Variants in TENM3 observed in about 807,000 individuals in gnomAD.
TENM3 encodes teneurin transmembrane protein 3.
Under a neutral mutation model 255.1 loss-of-function variants are expected in TENM3, and 63 were observed. The observed-to-expected ratio is 0.25, with a 90% confidence interval of 0.20 to 0.30. The LOEUF (loss-of-function observed/expected upper bound fraction) is 0.30. TENM3 is among the 10% of genes least tolerant of loss of function. TENM3 has a pLI of 1.00. For missense variants in TENM3, 2,929 were observed against 3,461.1 expected (o/e 0.85, Z 3.86); for synonymous variants, 1,306 against 1,322.3 (o/e 0.99, Z 0.27).
At chr4:181,651,120 C>G in the TENM3 span, among the ~76,000 whole-genome samples, 1 of 152,128 alleles carries the variant, frequency 6.6e-6, no homozygotes, top group African/African-American at 2.4e-5. Context: ...AAAATTTAAC[C>G]TATGGTTGAT....
At chr4:181,485,891 G>C in the TENM3 span, among the ~76,000 whole-genome samples, 2 of 151,954 alleles carry the variant, frequency 1.3e-5, no homozygotes, top group Non-Finnish European at 1.5e-5. Flanking sequence ...AAACAAAAAT[G>C]TTAAATGCAA....
the TENM3 span, among the ~76,000 whole-genome samples, chr4:181,953,276 C>CCATCAT: frequency 2.1e-3 from 295 of 141,572 alleles, 2 homozygotes; most frequent in Admixed American, 3.8e-3. Context: ...ACCACCACCA[C>CCATCAT]CATCATCATC....
chr4:182,186,938 C>T (rs1753202895), intron 1 of TENM3, among the ~76,000 whole-genome samples: 1 of 150,078 alleles, frequency 6.7e-6, no homozygotes, highest in Non-Finnish European at 1.5e-5. Context: ...TTCTTCAGAT[C>T]TCTAATAAAT....
chr4:182,606,236 G>A (rs2152422327), intron 4 of TENM3, among the ~76,000 whole-genome samples: 1 of 152,186 alleles, frequency 6.6e-6, no homozygotes, highest in South Asian at 2.1e-4. Context: ...AGAACAAGAG[G>A]TAGCAGGCCG....
chr4:182,007,988 GTT>G, the TENM3 span, among the ~76,000 whole-genome samples: 1 of 152,154 alleles, frequency 6.6e-6, no homozygotes, highest in Non-Finnish European at 1.5e-5. Flanking sequence ...ATGAAGCTTA[GTT>G]TGGCTGGATA....
chr4:182,761,039 A>T (rs373810050), intron 22 of TENM3, among the ~76,000 whole-genome samples: 1 of 109,098 alleles, frequency 9.2e-6, no homozygotes, highest in Non-Finnish European at 2.2e-5. Flanking sequence ...ACTGACTCCT[A>T]TTATTTAAAC....
chr4:181,885,046 T>C, the TENM3 span, among the ~76,000 whole-genome samples: 1 of 152,202 alleles, frequency 6.6e-6, no homozygotes, highest in African/African-American at 2.4e-5. Context: ...ATGTGAAATT[T>C]TTCTTAATTT....
At chr4:182,776,610 A>T (rs1484441284) in intron 24 of TENM3, among the ~76,000 whole-genome samples, 10 of 152,184 alleles carry the variant, frequency 6.6e-5, no homozygotes, top group Admixed American at 6.5e-4. Context: ...CTGTTCTTGG[A>T]GACAAGTTAT....
chr4:182,595,494 G>A (rs1266407702), intron 3 of TENM3, among the ~76,000 whole-genome samples: 2 of 152,118 alleles, frequency 1.3e-5, no homozygotes, highest in African/African-American at 4.8e-5. Context: ...CAGGGTGACC[G>A]CAGTCTTTAT....
the TENM3 span, among the ~76,000 whole-genome samples, chr4:181,745,124 A>G: frequency 6.6e-6 from 1 of 152,150 alleles, no homozygotes; most frequent in Non-Finnish European, 1.5e-5. Context: ...CAATGTTAAG[A>G]ATTCAGGATT....
chr4:181,746,551 G>GA, the TENM3 span, among the ~76,000 whole-genome samples: 1 of 151,890 alleles, frequency 6.6e-6, no homozygotes, highest in African/African-American at 2.4e-5. Flanking sequence ...TAGTAATAAG[G>GA]AAAAAAATTG....
chr4:182,565,493 G>A (rs1484635173), intron 3 of TENM3, among the ~76,000 whole-genome samples: 1 of 152,164 alleles, frequency 6.6e-6, no homozygotes, highest in African/African-American at 2.4e-5. Context: ...TTGCCACTAT[G>A]TTGATTATTC....
chr4:182,778,998 G>C (rs1339741172), intron 24 of TENM3, among the ~76,000 whole-genome samples: 1 of 144,410 alleles, frequency 6.9e-6, no homozygotes, highest in Non-Finnish European at 1.5e-5. Context: ...TTTTATTTTA[G>C]AGACAGATTT....
chr4:182,023,207 T>G, the TENM3 span, among the ~76,000 whole-genome samples: 1 of 152,204 alleles, frequency 6.6e-6, no homozygotes, highest in African/African-American at 2.4e-5. Context: ...AACTTTCTTT[T>G]TTCCAAACCT....
intron 1 of TENM3, among the ~76,000 whole-genome samples, chr4:182,283,537 A>G (rs1380979863): frequency 6.6e-6 from 1 of 152,180 alleles, no homozygotes; most frequent in East Asian, 1.9e-4. Context: ...GGATAAAGAT[A>G]TATATGTAAA....
At chr4:182,412,700 C>T (rs13149794) in intron 3 of TENM3, among the ~76,000 whole-genome samples, 73,734 of 151,140 alleles carry the variant, frequency 0.49, 18,246 homozygotes, top group South Asian at 0.59. Flanking sequence ...CCCGTCTCTA[C>T]TAAAAATACA....
At chr4:181,756,418 T>C in the TENM3 span, among the ~76,000 whole-genome samples, 1 of 152,226 alleles carries the variant, frequency 6.6e-6, no homozygotes, top group Admixed American at 6.5e-5. Context: ...ACAATGTAGC[T>C]TATCACTCTG....
At chr4:182,650,887 A>ATATATATATATAT (rs1753197371) in intron 5 of TENM3, among the ~76,000 whole-genome samples, 1 of 22,864 alleles carries the variant, frequency 4.4e-5, no homozygotes. Flanking sequence ...GTAATAAAAA[A>ATATATATATATAT]AAATATATAT....
chr4:181,885,510 C>T, the TENM3 span, among the ~76,000 whole-genome samples: 6 of 152,142 alleles, frequency 3.9e-5, no homozygotes, highest in Non-Finnish European at 8.8e-5. Flanking sequence ...ATCTGCCCGC[C>T]TCGGCCTCCC....
Sources: allele counts gnomAD v4.1 joint callset (sites outside exome capture counted in the v4.1 genomes callset), GRCh38; gene constraint gnomAD v4.1.1; transcripts MANE v1.5; gene names NCBI Gene and HGNC (gene_info 2026-07-23, HGNC 2026-07-21).